The following ADK variants were observed in gnomAD, a reference collection of about 807,000 sequenced individuals.
ADK encodes the protein adenosine kinase, also known as N6,N6-dimethyladenosine kinase.
In ADK, 24 loss-of-function variants were observed where a neutral mutation model predicts 44.7. The observed-to-expected ratio is 0.54, with a 90% CI of 0.39 to 0.76. The LOEUF (loss-of-function observed/expected upper bound fraction) is 0.76, where lower values mean the gene tolerates loss of function less well. ADK is among the 30% of genes least tolerant of loss of function. The pLI, the probability that ADK is intolerant of heterozygous loss-of-function variation, is 0.00. For synonymous variants in ADK, 128 were observed against 142.6 expected, an observed-to-expected ratio of 0.90 and a Z score of 0.73; for missense variants, 321 against 425.1, an observed-to-expected ratio of 0.76 and a Z score of 2.15.
At chr10:74,394,352 T>G (rs1843438652) in intron 5 of ADK, 39 bp downstream of exon 5, 3 of 1,588,312 alleles carry the variant, frequency 1.9e-6, no homozygotes, top group Non-Finnish European at 2.6e-6. Flanking sequence ...ACTAATTGGC[T>G]ATTTTAACAC....
At chr10:74,240,536 TTA>T (rs149706767) in intron 3 of ADK, among the ~76,000 whole-genome samples, 18,422 of 152,108 alleles carry the variant, frequency 0.12, 1,134 homozygotes, top group Middle Eastern at 0.2. Flanking sequence ...CAGTATAAAA[TTA>T]TGTTTTTTAA....
At chr10:74,516,288 G>T (rs1421351789) in intron 6 of ADK, among the ~76,000 whole-genome samples, 1 of 152,122 alleles carries the variant, frequency 6.6e-6, no homozygotes, top group Non-Finnish European at 1.5e-5. Flanking sequence ...TCTAGGTGGG[G>T]AAGATGGGAC....
At chr10:74,295,650 A>G (rs1380345906) in intron 3 of ADK, among the ~76,000 whole-genome samples, 1 of 151,060 alleles carries the variant, frequency 6.6e-6, no homozygotes, top group Non-Finnish European at 1.5e-5. Flanking sequence ...TTCAGAAGAT[A>G]TTGTCTATGA....
At chr10:74,255,859 C>A (rs1265459655) in intron 3 of ADK, among the ~76,000 whole-genome samples, 1 of 152,130 alleles carries the variant, frequency 6.6e-6, no homozygotes, top group Admixed American at 6.5e-5. Flanking sequence ...CACTGTGGAA[C>A]TTTAGTCATT....
At chr10:74,531,847 C>T (rs1019204079) in intron 7 of ADK, among the ~76,000 whole-genome samples, 1 of 152,104 alleles carries the variant, frequency 6.6e-6, no homozygotes, top group East Asian at 1.9e-4. Context: ...TGAATTTTAA[C>T]ACAGATTTCA....
Position 74,525,309 on chromosome 10 carries a change from T to C in ADK, c.609T>C (p.Ala203=). ...CAGTATTAAAGGTGGCTCACCATGC[T>C]TCTGAAAACAACAGGATTTTCACTT... ...PESVLKVAHH[A]SENNRIFTLN... Residue 203 remains alanine, a synonymous_variant, in exon 7 of 11, where the codon GCT becomes GCC. Transcript: ENST00000539909. The C allele has an allele frequency of 6.2e-7, 1 of 1,613,874 alleles. No individual in the cohort carries two copies. The highest frequency in any genetic ancestry group is 8.5e-7 in the Non-Finnish European group (1 of 1,179,888).
At chr10:74,451,416 A>G (rs558008114) in intron 6 of ADK, among the ~76,000 whole-genome samples, 1 of 152,240 alleles carries the variant, frequency 6.6e-6, no homozygotes, top group Non-Finnish European at 1.5e-5. Context: ...CAGTGGAACA[A>G]TTTGCTGAGT....
chr10:74,283,822 A>G (rs1341468757), intron 3 of ADK, among the ~76,000 whole-genome samples: 2 of 150,938 alleles, frequency 1.3e-5, no homozygotes, highest in African/African-American at 4.9e-5. Flanking sequence ...CTGGGACTAC[A>G]GGTGCCCGCC....
intron 7 of ADK, among the ~76,000 whole-genome samples, chr10:74,532,582 C>A (rs1283216566): frequency 6.6e-6 from 1 of 151,164 alleles, no homozygotes; most frequent in African/African-American, 2.4e-5. Context: ...CATCTTCATA[C>A]AAAATCTGAT....
At chr10:74,657,367 G>C (rs932726787) in intron 9 of ADK, among the ~76,000 whole-genome samples, 2 of 152,302 alleles carry the variant, frequency 1.3e-5, no homozygotes, top group East Asian at 3.9e-4. Context: ...GTTGTGCAAG[G>C]TTGAATTTAT....
At chr10:74,534,295 G>A (rs1396406019) in intron 7 of ADK, among the ~76,000 whole-genome samples, 1 of 152,130 alleles carries the variant, frequency 6.6e-6, no homozygotes, top group Non-Finnish European at 1.5e-5. Flanking sequence ...CTATTAAAAT[G>A]AATATATACT....
At chr10:74,213,789 A>G (rs1160997853) in intron 2 of ADK, among the ~76,000 whole-genome samples, 1 of 152,256 alleles carries the variant, frequency 6.6e-6, no homozygotes, top group Non-Finnish European at 1.5e-5. Flanking sequence ...CAGTGCAAAT[A>G]TGGAGACAGA....
At chr10:74,497,420 C>T (rs1441977450) in intron 6 of ADK, among the ~76,000 whole-genome samples, 1 of 152,114 alleles carries the variant, frequency 6.6e-6, no homozygotes, top group Non-Finnish European at 1.5e-5. Flanking sequence ...ATTGCTTCAG[C>T]TGTCTGGAAT....
intron 3 of ADK, among the ~76,000 whole-genome samples, chr10:74,264,868 T>G (rs1028267349): frequency 3.3e-5 from 5 of 152,166 alleles, no homozygotes; most frequent in African/African-American, 1.2e-4. Flanking sequence ...GCCTTAATAG[T>G]TTTTTGTTTG....
chr10:74,561,979 T>C (rs1474795489), intron 7 of ADK, among the ~76,000 whole-genome samples: 2 of 152,228 alleles, frequency 1.3e-5, no homozygotes, highest in African/African-American at 4.8e-5. Flanking sequence ...TGAGATTGTA[T>C]TCTTAACTGT....
chr10:74,207,705 G>A (rs1843653034), intron 2 of ADK, among the ~76,000 whole-genome samples: 1 of 152,156 alleles, frequency 6.6e-6, no homozygotes, highest in African/African-American at 2.4e-5. Context: ...ATTGGTCCAT[G>A]GGCGGCTATG....
intron 1 of ADK, among the ~76,000 whole-genome samples, chr10:74,193,823 C>T (rs1218234632): frequency 6.6e-6 from 1 of 151,656 alleles, no homozygotes; most frequent in Non-Finnish European, 1.5e-5. Flanking sequence ...CACTGAAAAC[C>T]CATGGAATTA....
Position 74,451,693 on chromosome 10 carries a change from C to T in ADK, c.555+53114C>T, listed in dbSNP as rs758030458. 2.6e-5 allele frequency among the ~76,000 whole-genome samples: 4 copies of T among 152,052 alleles called. No individual in the cohort carries two copies. In the South Asian group the frequency reaches 8.3e-4, roughly 32 times the overall value. Reference sequence around the variant, plus strand: ...TGACTATTTGAGTATTTCATTCCATCTGTCAAAAGATTCAGTGGGATAAAG... The same window carrying T: ...TGACTATTTGAGTATTTCATTCCATTTGTCAAAAGATTCAGTGGGATAAAG... On this transcript the variant is annotated intron_variant, in intron 6 of 10. Coordinates refer to ENST00000539909, the MANE Select transcript of ADK (RefSeq NM_006721.4).
At chr10:74,584,822 C>A (rs1466627369) in intron 7 of ADK, among the ~76,000 whole-genome samples, 1 of 152,142 alleles carries the variant, frequency 6.6e-6, no homozygotes, top group Non-Finnish European at 1.5e-5. Context: ...TGGCTCCATT[C>A]CCCCTTGGCT....
Sources: gnomAD v4.1 joint callset for allele counts (sites outside exome capture counted in the v4.1 genomes callset) on GRCh38, gnomAD v4.1.1 for gene constraint, MANE v1.5 for transcripts, NCBI Gene and HGNC (gene_info 2026-07-23, HGNC 2026-07-21) for gene names.